SETD2: variants seen among roughly 807,000 people sequenced by gnomAD.
SETD2 encodes SET domain containing 2, histone lysine methyltransferase, also known as histone-lysine N-methyltransferase SETD2.
A neutral mutation model predicts 242.1 loss-of-function variants in SETD2; 31 were observed. The ratio of observed to expected loss-of-function variants is 0.13; its 90% CI spans 0.10 to 0.17. The LOEUF (loss-of-function observed/expected upper bound fraction) is 0.17. SETD2 is among the 10% of genes least tolerant of loss of function. The pLI is 1.00. For synonymous variants in SETD2, 1,006 were observed against 1,066.5 expected (o/e 0.94, Z 1.11); for missense variants, 2,481 against 3,046.3 (o/e 0.81, Z 4.37).
intron 10 of SETD2, 129 bp downstream of exon 10, chr3:47,087,983 AC>A: frequency 9.9e-7 from 1 of 1,008,702 alleles, no homozygotes; most frequent in Non-Finnish European, 1.4e-6. Context: ...AAACAAACAA[AC>A]AAACAAACAA....
chr3:47,136,836 CCCA>C (rs2043598962), intron 1 of SETD2, among the ~76,000 whole-genome samples: 1 of 152,130 alleles, frequency 6.6e-6, no homozygotes. Flanking sequence ...TGCCTGTAAT[CCCA>C]CCTACTTGGG....
At position 47,123,720 on chromosome 3, in the gene SETD2, C is replaced by T. The variant is rs956929386; in HGVS notation, c.916G>A (p.Gly306Ser). 1.3e-6 allele frequency: 2 copies of T among 1,551,148 alleles called. No homozygotes were observed. Among genetic ancestry groups the T allele is most frequent in the African/African-American group, 1.4e-5 (1 of 73,024 alleles). ...SKISLSCKKT[G>S]SKKKSSQSEG... ...GATTGTGAGGATTTCTTCTTAGAAC[C>T]TGTTTTTTTACAGCTCAGACTAATC... Residue 306 changes from glycine to serine, a missense_variant, in exon 3 of 21, where the codon GGT becomes AGT. Physicochemically the swap from Gly to Ser is moderately conservative, Grantham distance 56. Around this residue, in one of 17 missense-constraint regions of SETD2, gnomAD observed 334 missense variants for 374.5 expected, o/e 0.89. Transcript: ENST00000409792.
chr3:47,063,072 C>T (rs548042964), intron 13 of SETD2, among the ~76,000 whole-genome samples: 1 of 152,318 alleles, frequency 6.6e-6, no homozygotes, highest in African/African-American at 2.4e-5. Flanking sequence ...TCAAGTCCCA[C>T]AATCCACCTC....
intron 6 of SETD2, among the ~76,000 whole-genome samples, chr3:47,103,775 T>C (rs554327769): frequency 6.6e-6 from 1 of 152,060 alleles, no homozygotes; most frequent in Non-Finnish European, 1.5e-5. Context: ...TATCCCCACT[T>C]TGCCCTTGCT....
intron 12 of SETD2, among the ~76,000 whole-genome samples, chr3:47,075,075 A>C (rs1490999053): frequency 6.7e-6 from 1 of 150,290 alleles, no homozygotes; most frequent in East Asian, 2.0e-4. Flanking sequence ...TGGAGCTTGC[A>C]GTGAGCCGAG....
chr3:47,042,401 T>A (rs2039321397), intron 17 of SETD2, among the ~76,000 whole-genome samples, 160 bp downstream of exon 17: 1 of 152,132 alleles, frequency 6.6e-6, no homozygotes, highest in Non-Finnish European at 1.5e-5. Flanking sequence ...AAGTCTAACG[T>A]CTAAAATACA....
chr3:47,157,125 T>C (rs1163991302), intron 1 of SETD2, among the ~76,000 whole-genome samples: 1 of 152,006 alleles, frequency 6.6e-6, no homozygotes, highest in Non-Finnish European at 1.5e-5. Context: ...TAGTTGGGCA[T>C]GGTGGCATGT....
At chr3:47,094,882 A>G (rs1434598567) in intron 9 of SETD2, among the ~76,000 whole-genome samples, 2 of 152,186 alleles carry the variant, frequency 1.3e-5, no homozygotes, top group African/African-American at 4.8e-5. Flanking sequence ...CAAAGGCACT[A>G]AGACCTATCC....
At chr3:47,062,497 T>G (rs558541803) in intron 13 of SETD2, 151 bp from the exon 14 acceptor site, 1 of 668,668 alleles carries the variant, frequency 1.5e-6, no homozygotes, top group African/African-American at 1.9e-5. Context: ...AGTTCTGAAT[T>G]TGAAAGAGAT....
At chr3:47,032,723 C>A (rs1437746363) in intron 18 of SETD2, among the ~76,000 whole-genome samples, 2 of 152,028 alleles carry the variant, frequency 1.3e-5, no homozygotes, top group Non-Finnish European at 2.9e-5. Context: ...ACCAGCCTGG[C>A]CAACATGGTG....
intron 1 of SETD2, among the ~76,000 whole-genome samples, chr3:47,145,278 C>CTTGTCT (rs1372294888): frequency 3.3e-5 from 5 of 152,208 alleles, no homozygotes; most frequent in Non-Finnish European, 7.3e-5. Context: ...CAAGTCTACA[C>CTTGTCT]ACCAAATTTG....
chr3:47,048,875 C>T (rs2039660891), intron 15 of SETD2, among the ~76,000 whole-genome samples: 1 of 151,918 alleles, frequency 6.6e-6, no homozygotes, highest in Non-Finnish European at 1.5e-5. Context: ...ACCATGTTGG[C>T]CAGGATGGTC....
At chr3:47,049,979 T>TTA (rs905208591) in intron 15 of SETD2, among the ~76,000 whole-genome samples, 2 of 147,118 alleles carry the variant, frequency 1.4e-5, no homozygotes, top group African/African-American at 2.5e-5. Flanking sequence ...TATGTTTTTC[T>TTA]TATATATATA....
At chr3:47,041,514 G>GA (rs2039279628) in intron 17 of SETD2, 2 of 256,438 alleles carry the variant, frequency 7.8e-6, no homozygotes, top group Admixed American at 5.3e-5. Flanking sequence ...AAATTTTAAA[G>GA]AAAAAATTCC....
chr3:47,106,237 A>G, intron 5 of SETD2, 117 bp from the exon 6 acceptor site: 1 of 875,964 alleles, frequency 1.1e-6, no homozygotes, highest in East Asian at 2.8e-5. Context: ...AAATTCAGTT[A>G]TTACACAAAA....
chr3:47,123,191 T>C lies in SETD2; in HGVS notation c.1445A>G (p.Asp482Gly), dbSNP rs2106697570. ...TTTAGAATAGGATGATGTCCTTAGG[T>C]CTCTGTAAGAAGAGGAATGAGATGA... Reference protein sequence around the residue: ...RTSSHSSSYRDLRTSSYSKSD... With the variant: ...RTSSHSSSYRGLRTSSYSKSD... The change falls in exon 3 of 21, where the codon GAC (aspartate) becomes GGC (glycine). Residue 482 changes from aspartate (D) to glycine (G), a missense_variant. This residue lies in a region of SETD2 where 1,300 missense variants were observed against 1,259.2 expected (regional missense o/e 1.03). Transcript: ENST00000409792. The C allele has an allele frequency of 6.3e-7, 1 of 1,594,036 alleles. No individual in the cohort carries two copies. Among genetic ancestry groups the C allele is most frequent in the East Asian group, 2.3e-5 (1 of 44,090 alleles).
At chr3:47,053,280 T>C (rs1359019175) in intron 15 of SETD2, among the ~76,000 whole-genome samples, 1 of 152,234 alleles carries the variant, frequency 6.6e-6, no homozygotes, top group Non-Finnish European at 1.5e-5. Flanking sequence ...TTACCACCTC[T>C]AGAATAATAA....
At chr3:47,064,565 T>G in intron 13 of SETD2, 4 of 334,906 alleles carry the variant, frequency 1.2e-5, no homozygotes, top group South Asian at 1.0e-4. Context: ...CAACAGTTCA[T>G]ATTCTGACTC....
At chr3:47,152,486 A>C (rs1233595325) in intron 1 of SETD2, among the ~76,000 whole-genome samples, 1 of 152,212 alleles carries the variant, frequency 6.6e-6, no homozygotes, top group African/African-American at 2.4e-5. Flanking sequence ...TTTGTGAAAA[A>C]CAGTATTTGC....
Sources: gnomAD v4.1 joint callset for allele counts (sites outside exome capture counted in the v4.1 genomes callset) on GRCh38, gnomAD v4.1.1 for gene constraint, gnomAD v4.1.1 regional missense constraint, MANE v1.5 for transcripts, NCBI Gene and HGNC (gene_info 2026-07-23, HGNC 2026-07-21) for gene names.